The following SCAPER variants were observed in gnomAD, a reference collection of about 807,000 sequenced individuals.
SCAPER encodes the protein S-phase cyclin A associated protein in the ER.
Under a neutral mutation model 182.2 loss-of-function variants are expected in SCAPER, and 98 were observed. The ratio of observed to expected loss-of-function variants is 0.54; its 90% CI spans 0.46 to 0.64. The LOEUF (loss-of-function observed/expected upper bound fraction) is 0.64, where lower values mean the gene tolerates loss of function less well. Ranked by LOEUF, SCAPER falls within the 30% of genes least tolerant of loss-of-function variation. The probability of loss-of-function intolerance (pLI) is 0.00; values close to 1 mark genes in which losing one functional copy is unlikely to be tolerated. For missense variants in SCAPER, 1,432 were observed against 1,690.0 expected, an observed-to-expected ratio of 0.85 and a Z score of 2.68; for synonymous variants, 605 against 564.6, an observed-to-expected ratio of 1.07 and a Z score of -1.01.
At chr15:76,863,339 C>T (rs1429793856) in intron 2 of SCAPER, among the ~76,000 whole-genome samples, 1 of 152,222 alleles carries the variant, frequency 6.6e-6, no homozygotes, top group Non-Finnish European at 1.5e-5. Flanking sequence ...GTGTGGGAAA[C>T]CTGCCTCTTT....
chr15:76,348,733 T>C lies in SCAPER; in HGVS notation c.4103A>G (p.Lys1368Arg). Reference protein sequence around the residue: ...AENQPYQPKGKCLGSQDYLEL... With the variant: ...AENQPYQPKGRCLGSQDYLEL... ...AAGATAGTCTTGGGAACCAAGGCAT[T>C]TCCCTGAGAGGGGGATAAAAGAGAA... Residue 1368 changes from lysine (K) to arginine (R), a missense_variant, in exon 32 of 32, where the codon AAA becomes AGA. Physicochemically the swap from Lys to Arg is conservative, Grantham distance 26. Transcript: ENST00000563290. 5.3e-6 allele frequency: 8 copies of C among 1,519,764 alleles called. No individual in the cohort carries two copies. Among genetic ancestry groups the C allele is most frequent in the Non-Finnish European group, 7.1e-6 (8 of 1,128,760 alleles). 94.1% of individuals were successfully genotyped at this position (1,519,764 alleles called of 1,614,324 possible).
In SCAPER at chr15:76,354,175, A is replaced by G; in HGVS notation, c.3856-35T>C. On this transcript the variant is annotated intron_variant, in intron 29 of 31. Coordinates refer to ENST00000563290, the MANE Select transcript of SCAPER (RefSeq NM_020843.4). The surrounding 1 kb of genome is among the most constrained non-coding windows in gnomAD (Gnocchi z 4.4). ...AAGAGCAGCCCAGGTCAGCTGCCGAAACGCCCCAGCCTGTCCCTCACCCAC... is the reference window on the plus strand; with the variant it reads ...AAGAGCAGCCCAGGTCAGCTGCCGAGACGCCCCAGCCTGTCCCTCACCCAC... The G allele has an allele frequency of 6.3e-7, 1 of 1,582,460 alleles. No homozygotes were observed.
chr15:76,644,241 G>C (rs2054354978), intron 21 of SCAPER, among the ~76,000 whole-genome samples: 1 of 152,122 alleles, frequency 6.6e-6, no homozygotes, highest in Admixed American at 6.5e-5. Context: ...TACAGAAGCA[G>C]CTGTGAGAAT....
At chr15:76,804,870 C>A (rs2066039638) in intron 5 of SCAPER, among the ~76,000 whole-genome samples, 1 of 151,934 alleles carries the variant, frequency 6.6e-6, no homozygotes, top group Non-Finnish European at 1.5e-5. Flanking sequence ...AAACCTCCCC[C>A]AATAGCCATC....
At chr15:76,552,202 G>A (rs928452681) in intron 23 of SCAPER, among the ~76,000 whole-genome samples, 3 of 152,118 alleles carry the variant, frequency 2.0e-5, no homozygotes, top group African/African-American at 7.2e-5. Context: ...AGGATCCCTT[G>A]AGCTCAGAAG....
intron 2 of SCAPER, among the ~76,000 whole-genome samples, chr15:76,870,541 T>C (rs1438980599): frequency 1.3e-5 from 2 of 151,860 alleles, no homozygotes; most frequent in Non-Finnish European, 2.9e-5. Context: ...AATAAAAGGA[T>C]TGAAATTTTC....
At chr15:76,540,245 T>A (rs1040858088) in intron 23 of SCAPER, among the ~76,000 whole-genome samples, 2 of 151,972 alleles carry the variant, frequency 1.3e-5, no homozygotes, top group Admixed American at 1.3e-4. Flanking sequence ...TACAAAAAAA[T>A]AAAAATATTA....
chr15:76,643,295 T>A (rs1266218868), intron 21 of SCAPER, among the ~76,000 whole-genome samples: 1 of 152,224 alleles, frequency 6.6e-6, no homozygotes, highest in African/African-American at 2.4e-5. Context: ...CACTGTTCAA[T>A]AAGGATCAAA....
chr15:76,844,454 T>A (rs994260414), intron 4 of SCAPER, among the ~76,000 whole-genome samples: 2 of 151,954 alleles, frequency 1.3e-5, no homozygotes, highest in African/African-American at 4.8e-5. Context: ...ACAGACTCCA[T>A]CTTCAACCTC....
chr15:76,624,413 A>G (rs1451179177), intron 21 of SCAPER, among the ~76,000 whole-genome samples: 6 of 152,228 alleles, frequency 3.9e-5, no homozygotes, highest in African/African-American at 1.4e-4. Flanking sequence ...ATACAAATAA[A>G]TGAAAAAACA....
At chr15:76,471,650 C>T (rs1012433556) in intron 24 of SCAPER, among the ~76,000 whole-genome samples, 1 of 152,046 alleles carries the variant, frequency 6.6e-6, no homozygotes, top group African/African-American at 2.4e-5. Context: ...TATCTAGGAA[C>T]CTTGGTTCTT....
At chr15:76,559,048 T>C (rs1377202825) in intron 23 of SCAPER, among the ~76,000 whole-genome samples, 2 of 151,976 alleles carry the variant, frequency 1.3e-5, no homozygotes, top group Non-Finnish European at 2.9e-5. Flanking sequence ...TGGTTTTTTT[T>C]TTCGGAGATG....
intron 17 of SCAPER, among the ~76,000 whole-genome samples, chr15:76,716,074 T>C (rs556031452): frequency 1.3e-5 from 2 of 152,186 alleles, no homozygotes; most frequent in South Asian, 2.1e-4. Context: ...TCAATGAAGA[T>C]TCCCTACTTT....
intron 5 of SCAPER, among the ~76,000 whole-genome samples, chr15:76,809,408 C>G (rs1309220584): frequency 6.6e-6 from 1 of 151,796 alleles, no homozygotes. Context: ...TGCCAAGAGA[C>G]AGAAAATACA....
chr15:76,726,262 A>T (rs962984235), intron 17 of SCAPER, among the ~76,000 whole-genome samples: 9 of 150,774 alleles, frequency 6.0e-5, no homozygotes, highest in Non-Finnish European at 3.0e-5. Flanking sequence ...TAAGCACATG[A>T]AAAGATGCTT....
At chr15:76,889,886 T>G (rs1004986717) in intron 1 of SCAPER, among the ~76,000 whole-genome samples, 1 of 152,166 alleles carries the variant, frequency 6.6e-6, no homozygotes, top group African/African-American at 2.4e-5. Flanking sequence ...CAGCACCACG[T>G]TGCACTTATT....
chr15:76,679,993 G>A (rs1462442584), intron 20 of SCAPER, among the ~76,000 whole-genome samples: 1 of 152,148 alleles, frequency 6.6e-6, no homozygotes, highest in Non-Finnish European at 1.5e-5. Flanking sequence ...AGAATTCTCA[G>A]ATTTCAAATA....
In SCAPER at chr15:76,680,299, C is replaced by T. The variant is rs373630873; in HGVS notation, c.2509-14510G>A. ...GAATGACAGAAAATGATATACCATC[C>T]TAACACAACAGAAAAGAAAGCTGAA... On this transcript the variant is annotated intron_variant, in intron 20 of 31. Coordinates refer to ENST00000563290, the MANE Select transcript of SCAPER (RefSeq NM_020843.4). Among the ~76,000 whole-genome samples, 366 of 151,718 alleles carry T rather than the reference C, an allele frequency of 2.4e-3. 2 individuals are homozygous for T. The highest frequency in any genetic ancestry group is 8.4e-3 in the African/African-American group (348 of 41,342).
chr15:76,876,911 A>G (rs949817328), intron 2 of SCAPER, among the ~76,000 whole-genome samples: 1 of 152,226 alleles, frequency 6.6e-6, no homozygotes, highest in Non-Finnish European at 1.5e-5. Flanking sequence ...ACTAGAAAGT[A>G]TAGAAATGCT....
Sources: gnomAD v4.1 joint callset for allele counts (sites outside exome capture counted in the v4.1 genomes callset) on GRCh38, gnomAD v4.1.1 for gene constraint, Gnocchi (gnomAD v3.1) non-coding constraint, MANE v1.5 for transcripts, NCBI Gene and HGNC (gene_info 2026-07-23, HGNC 2026-07-21) for gene names.